The following SYT16 variants were observed in gnomAD, a reference collection of about 807,000 sequenced individuals.
The protein encoded by SYT16 is synaptotagmin 16, also known as synaptotagmin-16.
SYT16 carries 42 observed loss-of-function variants against 61.4 expected under a neutral mutation model. That is an observed-to-expected ratio of 0.68 (90% CI 0.53 to 0.89). The LOEUF is 0.89. Among genes scored for constraint, SYT16 ranks in the 40% least tolerant of loss-of-function variants. The probability of loss-of-function intolerance (pLI) is 0.00; values close to 1 mark genes in which losing one functional copy is unlikely to be tolerated. For synonymous variants in SYT16, 314 were observed against 302.3 expected (o/e 1.04, Z -0.40); for missense variants, 804 against 807.3 (o/e 1.00, Z 0.05).
At chr14:62,031,972 G>A (rs28394604) in intron 3 of SYT16, among the ~76,000 whole-genome samples, 1,627 of 152,202 alleles carry the variant, frequency 0.011, 26 homozygotes, top group African/African-American at 0.037. Context: ...TCTAAGAAAG[G>A]CAGCAGCACA....
At chr14:62,004,752 C>T (rs556389178) in intron 3 of SYT16, among the ~76,000 whole-genome samples, 68 of 152,300 alleles carry the variant, frequency 4.5e-4, no homozygotes, top group Admixed American at 2.2e-3. Context: ...AGGCAGAAGA[C>T]GAGGTTCCCC....
intron 3 of SYT16, among the ~76,000 whole-genome samples, chr14:62,012,047 A>C (rs1322717994): frequency 6.6e-6 from 1 of 151,250 alleles, no homozygotes; most frequent in African/African-American, 2.4e-5. Context: ...TAGTGTAACC[A>C]TATAGGATCT....
chr14:62,024,350 A>G (rs368263957), intron 3 of SYT16, among the ~76,000 whole-genome samples: 6 of 152,130 alleles, frequency 3.9e-5, no homozygotes, highest in African/African-American at 1.4e-4. Flanking sequence ...GCTGCAGAGG[A>G]GCAAAATTGC....
At chr14:61,818,725 A>C (rs1474961777) in intron 1 of SYT16, among the ~76,000 whole-genome samples, 3 of 152,052 alleles carry the variant, frequency 2.0e-5, no homozygotes, top group Non-Finnish European at 4.4e-5. Flanking sequence ...ATGTTATAGA[A>C]TAGCAGAGTT....
At chr14:61,968,936 T>C (rs2051429786) in intron 1 of SYT16, among the ~76,000 whole-genome samples, 1 of 152,222 alleles carries the variant, frequency 6.6e-6, no homozygotes, top group Admixed American at 6.5e-5. Context: ...AAAGCTATTA[T>C]CTTGCCTGCT....
chr14:61,817,048 A>G (rs2045463616), intron 1 of SYT16, among the ~76,000 whole-genome samples: 1 of 151,486 alleles, frequency 6.6e-6, no homozygotes, highest in Admixed American at 6.6e-5. Flanking sequence ...ATTTTCCCCA[A>G]AGATTATTTA....
chr14:62,095,513 C>T lies in SYT16; in HGVS notation c.1625-4881C>T, dbSNP rs117712968. Among the ~76,000 whole-genome samples the T allele has an allele frequency of 7.4e-3, 1,120 of 151,456 alleles. 8 individuals carry two copies. Among genetic ancestry groups the T allele is most frequent in the East Asian group, 0.038 (195 of 5,158 alleles). On this transcript the variant is annotated intron_variant, in intron 7 of 7. Transcript: ENST00000683842. ...ATTTATAATAGGAACAAAATATCTA[C>T]GATACCAAAAAATAATAAAAGATGA...
intron 3 of SYT16, among the ~76,000 whole-genome samples, chr14:62,022,743 C>G (rs2053961110): frequency 6.6e-6 from 1 of 151,962 alleles, no homozygotes; most frequent in African/African-American, 2.4e-5. Flanking sequence ...TTCTGCTTTG[C>G]TTTGTCTAAT....
intron 7 of SYT16, among the ~76,000 whole-genome samples, chr14:62,087,804 G>T (rs911061091): frequency 6.6e-6 from 1 of 152,106 alleles, no homozygotes; most frequent in Non-Finnish European, 1.5e-5. Context: ...GAAGAAATAA[G>T]CCACTGAGAT....
At chr14:61,886,880 C>CTTTTTTTTTTTTTTTTTT (rs371140698) in intron 1 of SYT16, among the ~76,000 whole-genome samples, 6 of 110,830 alleles carry the variant, frequency 5.4e-5, no homozygotes, top group Admixed American at 9.8e-5. Context: ...TTTTTTTTGT[C>CTTTTTTTTTTTTTTTTTT]TTTTTTTTTT....
chr14:62,038,899 A>G (rs1176197290), intron 3 of SYT16, among the ~76,000 whole-genome samples: 1 of 152,228 alleles, frequency 6.6e-6, no homozygotes, highest in African/African-American at 2.4e-5. Context: ...ATAATGCCTA[A>G]TAAACGTTGC....
chr14:61,895,761 A>G (rs2048302321), intron 1 of SYT16, among the ~76,000 whole-genome samples: 2 of 152,148 alleles, frequency 1.3e-5, no homozygotes, highest in Non-Finnish European at 2.9e-5. Flanking sequence ...TACTCCTACT[A>G]TTCTGAATTA....
intron 3 of SYT16, among the ~76,000 whole-genome samples, chr14:62,003,456 T>A (rs2140665168): frequency 6.6e-6 from 1 of 152,072 alleles, no homozygotes; most frequent in South Asian, 2.1e-4. Context: ...GAATCTAGTA[T>A]CTGCCCCTTG....
chr14:62,085,564 A>G (rs2056856846), intron 7 of SYT16, among the ~76,000 whole-genome samples: 3 of 152,318 alleles, frequency 2.0e-5, no homozygotes, highest in Admixed American at 2.0e-4. Flanking sequence ...GCACCACTGG[A>G]AAAGAGTCAT....
chr14:61,901,711 A>C (rs554515671), intron 1 of SYT16, among the ~76,000 whole-genome samples: 1 of 151,128 alleles, frequency 6.6e-6, no homozygotes, highest in South Asian at 2.1e-4. Flanking sequence ...CTTATCAAAA[A>C]ATGGAACATG....
At chr14:61,904,830 A>G (rs534420889) in intron 1 of SYT16, among the ~76,000 whole-genome samples, 4 of 152,304 alleles carry the variant, frequency 2.6e-5, no homozygotes, top group African/African-American at 2.4e-5. Flanking sequence ...CCTATATCTC[A>G]TTACTATAAT....
chr14:61,914,814 C>T (rs956375683), intron 1 of SYT16, among the ~76,000 whole-genome samples: 1 of 152,178 alleles, frequency 6.6e-6, no homozygotes, highest in Non-Finnish European at 1.5e-5. Flanking sequence ...AGCCTTGCCC[C>T]TTTTAGCCTG....
At chr14:62,004,642 T>A (rs2053151746) in intron 3 of SYT16, among the ~76,000 whole-genome samples, 1 of 152,092 alleles carries the variant, frequency 6.6e-6, no homozygotes, top group Admixed American at 6.6e-5. Context: ...TAAAGAGAAA[T>A]AATTGTCATT....
At chr14:61,993,876 C>T (rs1234867339) in intron 2 of SYT16, among the ~76,000 whole-genome samples, 2 of 152,062 alleles carry the variant, frequency 1.3e-5, no homozygotes, top group Non-Finnish European at 1.5e-5. Context: ...ATTGAGAATT[C>T]ACTATGTGCT....
Sources: allele counts gnomAD v4.1 joint callset (sites outside exome capture counted in the v4.1 genomes callset), GRCh38; gene constraint gnomAD v4.1.1; transcripts MANE v1.5; gene names NCBI Gene and HGNC (gene_info 2026-07-23, HGNC 2026-07-21).